Variants in RIMS3 observed in about 807,000 individuals in gnomAD.
RIMS3 encodes regulating synaptic membrane exocytosis 3, also known as regulating synaptic membrane exocytosis protein 3.
A neutral mutation model predicts 29.2 loss-of-function variants in RIMS3; 15 were observed. The observed-to-expected ratio is 0.51, with a 90% confidence interval of 0.34 to 0.79. The LOEUF (loss-of-function observed/expected upper bound fraction) is 0.79. Among genes scored for constraint, RIMS3 ranks in the 30% least tolerant of loss-of-function variants. The pLI is 0.01. For synonymous variants in RIMS3, 161 were observed against 170.1 expected (o/e 0.95, Z 0.41); for missense variants, 342 against 421.4 (o/e 0.81, Z 1.65).
chr1:40,644,941 A>C (rs1219028089), intron 2 of RIMS3, among the ~76,000 whole-genome samples: 1 of 152,260 alleles, frequency 6.6e-6, no homozygotes, highest in African/African-American at 2.4e-5. Flanking sequence ...CATTGTGGCA[A>C]ATAAAGGAAG....
At chr1:40,655,358 C>A (rs535553562) in intron 1 of RIMS3, among the ~76,000 whole-genome samples, 1 of 152,158 alleles carries the variant, frequency 6.6e-6, no homozygotes, top group East Asian at 1.9e-4. Flanking sequence ...CTACTCCCCC[C>A]AGGAGGTCTC....
chr1:40,680,374 C>T, the RIMS3 span, among the ~76,000 whole-genome samples: 9 of 150,534 alleles, frequency 6.0e-5, no homozygotes, highest in East Asian at 7.8e-4. Context: ...TTCTGTCGCC[C>T]AGGCTGGAGT....
rs1358704460 is a variant in RIMS3, at chr1:40,654,142, C to T, written c.-206-6300G>A. Among the ~76,000 whole-genome samples, 2 of 151,480 alleles carry T rather than the reference C, an allele frequency of 1.3e-5. No homozygotes were observed. Among genetic ancestry groups the T allele is most frequent in the Non-Finnish European group, 2.9e-5 (2 of 67,800 alleles). ...CCCCCGCCTGCCCTCCCATCTCCTC[C>T]CCTCCCCTTCCCGCCCCTCCCCCTC... On this transcript the variant is annotated intron_variant, in intron 1 of 7. Coordinates refer to ENST00000372684, the MANE Select transcript of RIMS3 (RefSeq NM_014747.3). The surrounding 1 kb of genome is among the most constrained non-coding windows in gnomAD (Gnocchi z 5.3).
At chr1:40,677,048 G>A in the RIMS3 span, among the ~76,000 whole-genome samples, 1 of 150,990 alleles carries the variant, frequency 6.6e-6, no homozygotes, top group African/African-American at 2.4e-5. Context: ...ACCCAGGCTG[G>A]AGTGCAGTGG....
In RIMS3 at chr1:40,621,646, A is replaced by C. The variant is rs1357668720; in HGVS notation, c.*4871T>G. ...TTTGCAGATGAGGAAGTTGAGGCCC[A>C]GAAAAGTGAGGAGCCTTACCCAAGG... On this transcript the variant is annotated 3_prime_UTR_variant, in exon 8 of 8. Coordinates refer to ENST00000372684, the MANE Select transcript of RIMS3 (RefSeq NM_014747.3). 1.3e-5 allele frequency: 2 copies of C among 152,308 alleles called. No homozygotes were observed. Among genetic ancestry groups the C allele is most frequent in the Admixed American group, 1.3e-4 (2 of 15,290 alleles). 9.4% of individuals were successfully genotyped at this position (152,308 alleles called of 1,614,324 possible).
intron 2 of RIMS3, among the ~76,000 whole-genome samples, chr1:40,642,942 C>T (rs554748966): frequency 6.0e-4 from 74 of 122,796 alleles, no homozygotes; most frequent in Non-Finnish European, 1.1e-3. Context: ...GGTGACAGAC[C>T]GAGACTCTGT....
At chr1:40,686,953 C>T in the RIMS3 span, among the ~76,000 whole-genome samples, 2 of 149,800 alleles carry the variant, frequency 1.3e-5, no homozygotes, top group African/African-American at 4.9e-5. Flanking sequence ...AACCTTCTAC[C>T]ATTGGGAATG....
chr1:40,659,926 A>G (rs909866101), intron 1 of RIMS3, among the ~76,000 whole-genome samples: 3 of 152,208 alleles, frequency 2.0e-5, no homozygotes, highest in African/African-American at 7.2e-5. Flanking sequence ...TCATTCCAAG[A>G]AGGCTTGGAA....
At chr1:40,649,123 G>A (rs1436416395) in intron 1 of RIMS3, among the ~76,000 whole-genome samples, 2 of 152,162 alleles carry the variant, frequency 1.3e-5, no homozygotes, top group Non-Finnish European at 2.9e-5. Flanking sequence ...ACACAGCGGC[G>A]GCTCCTCTCC....
upstream of RIMS3, among the ~76,000 whole-genome samples, chr1:40,666,979 C>T (rs959932866): frequency 4.6e-5 from 7 of 152,006 alleles, no homozygotes; most frequent in Non-Finnish European, 8.8e-5. Context: ...GAGCCGAGGT[C>T]GCACCACTGC....
At chr1:40,657,746 CAAA>C (rs34448324) in intron 1 of RIMS3, among the ~76,000 whole-genome samples, 4,431 of 88,090 alleles carry the variant, frequency 0.05, 250 homozygotes, top group African/African-American at 0.18. Context: ...GACAATGTCT[CAAA>C]AAAAAAAAAA....
At chr1:40,679,464 C>A in the RIMS3 span, among the ~76,000 whole-genome samples, 1 of 152,190 alleles carries the variant, frequency 6.6e-6, no homozygotes, top group African/African-American at 2.4e-5. Flanking sequence ...ACTATTGAAC[C>A]TTTCAGCTAA....
At chr1:40,685,977 G>A in the RIMS3 span, among the ~76,000 whole-genome samples, 6 of 152,004 alleles carry the variant, frequency 3.9e-5, no homozygotes, top group East Asian at 1.9e-4. Flanking sequence ...GTGAAACCCC[G>A]TCTTTACTAA....
At chr1:40,662,762 T>G (rs1642370703) in intron 1 of RIMS3, among the ~76,000 whole-genome samples, 1 of 152,244 alleles carries the variant, frequency 6.6e-6, no homozygotes, top group Non-Finnish European at 1.5e-5. Flanking sequence ...TTACTACAGT[T>G]AATTCCCTAA....
chr1:40,634,768 C>A (rs1646509218), intron 4 of RIMS3, among the ~76,000 whole-genome samples: 1 of 152,004 alleles, frequency 6.6e-6, no homozygotes, highest in African/African-American at 2.4e-5. Flanking sequence ...ATGGAGAAAC[C>A]CCATCTCTAC....
At chr1:40,667,307 G>T (rs1642438723), upstream of RIMS3, among the ~76,000 whole-genome samples, 1 of 152,142 alleles carries the variant, frequency 6.6e-6, no homozygotes. Context: ...GGGCCTGGGT[G>T]GTAGAATGGG....
chr1:40,666,500 C>A (rs1371495450), upstream of RIMS3, among the ~76,000 whole-genome samples: 1 of 152,150 alleles, frequency 6.6e-6, no homozygotes, highest in Non-Finnish European at 1.5e-5. Context: ...ATATAAACTT[C>A]CAAATAGACT....
chr1:40,648,631 G>A (rs938851468), intron 1 of RIMS3, among the ~76,000 whole-genome samples: 2 of 152,220 alleles, frequency 1.3e-5, no homozygotes, highest in Non-Finnish European at 2.9e-5. Context: ...TTACTAATAA[G>A]ATTCCTTTAT....
At position 40,620,943 on chromosome 1, in the gene RIMS3, C is replaced by T. The variant is rs915126231; in HGVS notation, c.*5574G>A. The T allele has an allele frequency of 6.6e-6, 1 of 152,652 alleles. No homozygotes were observed. The highest frequency in any genetic ancestry group is 6.5e-5 in the Admixed American group (1 of 15,292). 9.5% of individuals were successfully genotyped at this position (152,652 alleles called of 1,614,324 possible). A position where few individuals can be genotyped will look rare whatever the true frequency, so the allele number is the denominator to read the frequency against. On this transcript the variant is annotated 3_prime_UTR_variant, in exon 8 of 8. Coordinates refer to ENST00000372684, the MANE Select transcript of RIMS3 (RefSeq NM_014747.3). ...TTGTCAGTCCCTATCAGCTATCTCT[C>T]TCTTTGCAGGATGCATTTGGAAAGT...
Sources: gnomAD v4.1 joint callset for allele counts (sites outside exome capture counted in the v4.1 genomes callset) on GRCh38, gnomAD v4.1.1 for gene constraint, Gnocchi (gnomAD v3.1) non-coding constraint, MANE v1.5 for transcripts, NCBI Gene and HGNC (gene_info 2026-07-23, HGNC 2026-07-21) for gene names.